ECI2: variants seen among roughly 807,000 people sequenced by gnomAD.
ECI2 encodes the protein D3,D2-enoyl-CoA isomerase.
Under a neutral mutation model 38.4 loss-of-function variants are expected in ECI2, and 27 were observed. The observed-to-expected ratio is 0.70, with a 90% CI of 0.52 to 0.97. ECI2 has a LOEUF of 0.97. Among genes scored for constraint, ECI2 ranks in the 50% least tolerant of loss-of-function variants. The pLI is 0.00. For synonymous variants in ECI2, 168 were observed against 172.0 expected (o/e 0.98, Z 0.18); for missense variants, 470 against 474.4 (o/e 0.99, Z 0.09).
At position 4,121,986 on chromosome 6, in the gene ECI2, C is replaced by T. The variant is rs752472514; in HGVS notation, c.796-2711G>A. 1.9e-6 allele frequency: 3 copies of T among 1,605,780 alleles called. No individual in the cohort carries two copies. The South Asian group carries it at 3.3e-5, about 18-fold the overall frequency. On this transcript the variant is annotated intron_variant, in intron 7 of 9. Transcript: ENST00000380118. ...AAAAAATGTACCCAGAAGACACAGC[C>T]TAAGGAATACAAGCAGGAAACTGAG...
intron 8 of ECI2, 182 bp downstream of exon 8, chr6:4,119,004 A>G (rs1772475041): frequency 1.9e-6 from 1 of 518,316 alleles, no homozygotes. Context: ...TTTCCTGCAT[A>G]GCAGATACTT....
chr6:4,126,186 A>G lies in ECI2; in HGVS notation c.623T>C (p.Ile208Thr), dbSNP rs758886119. The G allele has an allele frequency of 2.2e-5, 35 of 1,613,968 alleles. No homozygotes were observed. Among genetic ancestry groups the G allele is most frequent in the Admixed American group, 1.8e-4 (11 of 60,018 alleles). ...SGNDLTNFTD[I>T]PPGGVEEKAK... ...TTTCTCCTCTACTCCACCAGGGGGA[A>G]TATCAGTGAAGTTAGTCAGATCATT... The change falls in exon 6 of 10, where the codon ATT becomes ACT. Residue 208 changes from isoleucine to threonine, a missense_variant. Physicochemically the swap from Ile to Thr is moderately conservative, Grantham distance 89. Transcript: ENST00000380118.
intron 9 of ECI2, among the ~76,000 whole-genome samples, 157 bp downstream of exon 9, chr6:4,117,151 C>G (rs1429899751): frequency 6.6e-6 from 1 of 152,218 alleles, no homozygotes; most frequent in Non-Finnish European, 1.5e-5. Flanking sequence ...GCATTTCCAA[C>G]ATTACTACAG....
In ECI2 at chr6:4,117,303, C is replaced by T; in HGVS notation, c.1029+5G>A. Reference sequence around the variant, plus strand: ...GGTTCTTAGAAGTAAAAGATGAATACTAACATTTGGGGGAAGCTTTGCAAA... The same window carrying T: ...GGTTCTTAGAAGTAAAAGATGAATATTAACATTTGGGGGAAGCTTTGCAAA... On this transcript the variant is annotated splice_donor_5th_base_variant and intron_variant, in intron 9 of 9. Coordinates refer to ENST00000380118, the MANE Select transcript of ECI2 (RefSeq NM_206836.3). The T allele has an allele frequency of 1.3e-6, 2 of 1,587,304 alleles. No homozygotes were observed. Among genetic ancestry groups the T allele is most frequent in the South Asian group, 1.2e-5 (1 of 85,932 alleles).
At chr6:4,129,212 A>G (rs1773373104) in intron 4 of ECI2, among the ~76,000 whole-genome samples, 1 of 151,758 alleles carries the variant, frequency 6.6e-6, no homozygotes, top group Non-Finnish European at 1.5e-5. Flanking sequence ...TCCCCGGTTC[A>G]AAAGATTCTC....
At chr6:4,117,629 G>A (rs997839584) in intron 8 of ECI2, 178 bp from the exon 9 acceptor site, 1 of 758,654 alleles carries the variant, frequency 1.3e-6, no homozygotes, top group Non-Finnish European at 2.0e-6. Context: ...TGTGTGCTGA[G>A]ACAGGCTCCT....
At chr6:4,129,080 A>T (rs150779853) in intron 4 of ECI2, among the ~76,000 whole-genome samples, 228 of 151,948 alleles carry the variant, frequency 1.5e-3, no homozygotes, top group African/African-American at 5.3e-3. Flanking sequence ...GAGATGGATT[A>T]TCAGGGTTTC....
At chr6:4,135,101 C>G (rs901491633) in intron 1 of ECI2, 1 of 478,530 alleles carries the variant, frequency 2.1e-6, no homozygotes, top group South Asian at 1.5e-5. Flanking sequence ...CGAGTGATAA[C>G]GGCTTGCGTT....
intron 7 of ECI2, 36 bp downstream of exon 7, chr6:4,125,214 C>CT: frequency 1.2e-6 from 2 of 1,610,528 alleles, no homozygotes; most frequent in Non-Finnish European, 1.7e-6. Context: ...TCTCGCGCTG[C>CT]TTGCCTGACC....
chr6:4,133,882 G>T, intron 1 of ECI2, 171 bp from the exon 2 acceptor site: 1 of 689,588 alleles, frequency 1.5e-6, no homozygotes, highest in Non-Finnish European at 2.2e-6. Context: ...AGGATTCCAA[G>T]ATAATAAGTC....
chr6:4,120,192 T>A (rs1165446491), intron 7 of ECI2, among the ~76,000 whole-genome samples: 1 of 152,142 alleles, frequency 6.6e-6, no homozygotes, highest in Non-Finnish European at 1.5e-5. Flanking sequence ...CTTAAATATA[T>A]CTAGTCGTGT....
intron 7 of ECI2, among the ~76,000 whole-genome samples, chr6:4,123,001 T>C (rs1411380425): frequency 6.6e-6 from 1 of 152,188 alleles, no homozygotes; most frequent in Non-Finnish European, 1.5e-5. Context: ...TTATTAACCA[T>C]TGCCCACAGT....
chr6:4,121,959 C>A, intron 7 of ECI2: 1 of 1,569,150 alleles, frequency 6.4e-7, no homozygotes, highest in Non-Finnish European at 8.6e-7. Flanking sequence ...AAAACTTATT[C>A]AAAAAAATGT....
intron 8 of ECI2, 105 bp from the exon 9 acceptor site, chr6:4,117,556 A>C: frequency 6.9e-7 from 1 of 1,453,668 alleles, no homozygotes; most frequent in Non-Finnish European, 9.2e-7. Context: ...TGGTCTTTTG[A>C]GGTTGCTGGT....
intron 7 of ECI2, 112 bp from the exon 8 acceptor site, chr6:4,119,387 C>A: frequency 1.4e-6 from 1 of 705,394 alleles, no homozygotes; most frequent in South Asian, 1.8e-5. Flanking sequence ...GTGGCGCGAT[C>A]TCGGCTCACT....
intron 7 of ECI2, chr6:4,122,023 C>G (rs1472104306): frequency 6.2e-7 from 1 of 1,600,426 alleles, no homozygotes; most frequent in Non-Finnish European, 8.5e-7. Flanking sequence ...AACCTGCCAA[C>G]AACAGCTAAA....
At chr6:4,128,603 A>G (rs190784467) in intron 4 of ECI2, among the ~76,000 whole-genome samples, 2 of 152,340 alleles carry the variant, frequency 1.3e-5, no homozygotes, top group Admixed American at 6.5e-5. Flanking sequence ...TTCCACATCC[A>G]TGGACAACCA....
chr6:4,125,440 C>A, intron 6 of ECI2, 70 bp from the exon 7 acceptor site: 1 of 1,593,962 alleles, frequency 6.3e-7, no homozygotes, highest in Non-Finnish European at 8.5e-7. Context: ...GCAAGACAGT[C>A]TGACTCTGAG....
At chr6:4,126,323 C>T in intron 5 of ECI2, 86 bp from the exon 6 acceptor site, 1 of 1,152,366 alleles carries the variant, frequency 8.7e-7, no homozygotes, top group Non-Finnish European at 1.2e-6. Context: ...TATGGTTAGG[C>T]AAGGGAAATA....
Sources: gnomAD v4.1 joint callset for allele counts (sites outside exome capture counted in the v4.1 genomes callset) on GRCh38, gnomAD v4.1.1 for gene constraint, MANE v1.5 for transcripts, NCBI Gene and HGNC (gene_info 2026-07-23, HGNC 2026-07-21) for gene names.